TCP11: variants seen among roughly 807,000 people sequenced by gnomAD.
TCP11 encodes t-complex 11, also known as T-complex protein 11 homolog.
TCP11 carries 34 observed loss-of-function variants against 45.0 expected under a neutral mutation model. The observed-to-expected ratio is 0.76, with a 90% CI of 0.57 to 1.01. The LOEUF (loss-of-function observed/expected upper bound fraction) is 1.01. TCP11 is among the 50% of genes least tolerant of loss of function. TCP11 has a pLI of 0.00. For missense variants in TCP11, 523 were observed against 598.1 expected (o/e 0.87, Z 1.31); for synonymous variants, 227 against 227.0 (o/e 1.00, Z 0.00).
At chr6:35,131,938 C>G (rs1780501324) in intron 3 of TCP11, among the ~76,000 whole-genome samples, 1 of 152,174 alleles carries the variant, frequency 6.6e-6, no homozygotes, top group Admixed American at 6.5e-5. Context: ...AACTAGTCTC[C>G]CTGCCTCTAG....
chr6:35,119,544 G>C (rs1779002257), intron 8 of TCP11, among the ~76,000 whole-genome samples, 153 bp from the exon 9 acceptor site: 1 of 152,152 alleles, frequency 6.6e-6, no homozygotes, highest in Non-Finnish European at 1.5e-5. Context: ...CAGGCTATAG[G>C]GCCCAGTGGG....
At chr6:35,136,315 C>T (rs1781100585) in intron 2 of TCP11, 97 bp from the exon 3 acceptor site, 9 of 876,440 alleles carry the variant, frequency 1.0e-5, no homozygotes, top group Non-Finnish European at 1.4e-5. Flanking sequence ...ATTAATCAAA[C>T]TGGTCTTACA....
chr6:35,136,097 G>A lies in TCP11; in HGVS notation c.236+10C>T. On this transcript the variant is annotated intron_variant, in intron 3 of 9. Coordinates refer to ENST00000311875, the MANE Select transcript of TCP11 (RefSeq NM_001370687.1). ...GATGAGCAACATGAAGAAAGAAGAA[G>A]AGTCTATACCTGCTTGGAGGTAAAA... 1.2e-6 allele frequency: 2 copies of A among 1,605,878 alleles called. No individual in the cohort carries two copies. The highest frequency in any genetic ancestry group is 1.7e-6 in the Non-Finnish European group (2 of 1,174,188).
chr6:35,118,570 C>A, intron 9 of TCP11, 69 bp from the exon 10 acceptor site: 1 of 1,367,158 alleles, frequency 7.3e-7, no homozygotes, highest in Non-Finnish European at 1.0e-6. Flanking sequence ...TCCCCCTGCA[C>A]TCTACTCACC....
chr6:35,134,904 C>A (rs570167566), intron 3 of TCP11, among the ~76,000 whole-genome samples: 1 of 152,112 alleles, frequency 6.6e-6, no homozygotes, highest in South Asian at 2.1e-4. Flanking sequence ...GTAATGCCAG[C>A]ACTTTGGGAG....
chr6:35,134,746 T>C (rs11961798), intron 3 of TCP11, among the ~76,000 whole-genome samples: 27,356 of 152,156 alleles, frequency 0.18, 3,071 homozygotes, highest in African/African-American at 0.29. Context: ...TTGGTTGAAT[T>C]CACGGGATGC....
At chr6:35,140,962 C>A in intron 1 of TCP11, 78 bp from the exon 2 acceptor site, 1 of 335,328 alleles carries the variant, frequency 3.0e-6, no homozygotes, top group Non-Finnish European at 4.4e-6. Context: ...CTGGGGGCGG[C>A]GGGAAGGGGG....
In TCP11 at chr6:35,120,317, C is replaced by A. The variant is rs745370239; in HGVS notation, c.957G>T (p.Arg319=). Residue 319 remains arginine, a synonymous_variant, in exon 8 of 10, where the codon CGG becomes CGT. Transcript: ENST00000311875. The surrounding 1 kb of genome is among the most constrained non-coding windows in gnomAD (Gnocchi z 4.9). ...GCAACTGGGACTTCAGCTCCTGCAGCCGGGTTCTGTCCATCAGCAGGGTCT... is the reference window on the plus strand; with the variant it reads ...GCAACTGGGACTTCAGCTCCTGCAGACGGGTTCTGTCCATCAGCAGGGTCT... ...FPETLLMDRT[R]LQELKSQLHQ... is the part of the protein sequence containing the mutation. The A allele has an allele frequency of 6.2e-7, 1 of 1,613,948 alleles. No homozygotes were observed. The highest frequency in any genetic ancestry group is 8.5e-7 in the Non-Finnish European group (1 of 1,179,938).
intron 1 of TCP11, 104 bp from the exon 2 acceptor site, chr6:35,140,988 T>C: frequency 1.5e-6 from 2 of 1,372,286 alleles, no homozygotes; most frequent in Non-Finnish European, 9.6e-7. Flanking sequence ...GGCCTCAGGG[T>C]CTTGGGGGTG....
At chr6:35,125,196 AAAAG>A (rs1187971254) in intron 4 of TCP11, among the ~76,000 whole-genome samples, 3 of 151,382 alleles carry the variant, frequency 2.0e-5, no homozygotes, top group Admixed American at 6.6e-5. Flanking sequence ...AAAAAAAAAA[AAAAG>A]AAAGAAAAAA....
At chr6:35,127,546 C>G (rs910353354) in intron 4 of TCP11, among the ~76,000 whole-genome samples, 1 of 152,186 alleles carries the variant, frequency 6.6e-6, no homozygotes, top group African/African-American at 2.4e-5. Flanking sequence ...GTTATGGAAA[C>G]AAGGACTATA....
At chr6:35,119,422 C>T in intron 8 of TCP11, 31 bp from the exon 9 acceptor site, 1 of 1,609,098 alleles carries the variant, frequency 6.2e-7, no homozygotes. Flanking sequence ...AGCTGGCACC[C>T]ACCAGGTAAC....
chr6:35,125,279 T>A (rs1471850032), intron 4 of TCP11, among the ~76,000 whole-genome samples: 1 of 151,862 alleles, frequency 6.6e-6, no homozygotes, highest in Non-Finnish European at 1.5e-5. Flanking sequence ...GTGTAAATAT[T>A]CATGATCTAG....
At position 35,140,776 on chromosome 6, in the gene TCP11, T is replaced by G. The variant is rs35693439; in HGVS notation, c.95A>C (p.Asp32Ala). Residue 32 changes from aspartate to alanine, a missense_variant, in exon 2 of 10, where the codon GAC (aspartate) becomes GCC (alanine). Physicochemically the swap from Asp to Ala is moderately radical, Grantham distance 126 (BLOSUM62 -2). This residue lies in a region of TCP11 where 225 missense variants were observed against 210.2 expected (regional missense o/e 1.07). Coordinates refer to ENST00000311875, the MANE Select transcript of TCP11 (RefSeq NM_001370687.1). Reference sequence around the variant, plus strand: ...AGGGGGGTCCTCGGAGCCGCTCTTGTCTTCCTGGGGGGGTCCTGAGGTTTC... The same window carrying G: ...AGGGGGGTCCTCGGAGCCGCTCTTGGCTTCCTGGGGGGGTCCTGAGGTTTC... ...KPETSGPPQE[D>A]KSGSEDPPPF... The G allele has an allele frequency of 0.15, 234,769 of 1,528,760 alleles. 20,045 individuals are homozygous for G. Among genetic ancestry groups the G allele is most frequent in the African/African-American group, 0.3 (21,185 of 71,810 alleles). The allele number at this position is 1,528,760 out of a possible 1,614,324, so 94.7% of individuals were successfully genotyped here. A position where few individuals can be genotyped will look rare whatever the true frequency, so the allele number is the denominator to read the frequency against.
At chr6:35,140,611 C>T (rs1414784064) in intron 2 of TCP11, 136 bp downstream of exon 2, 1 of 697,082 alleles carries the variant, frequency 1.4e-6, no homozygotes, top group Admixed American at 2.0e-5. Context: ...TAAGTAAAGG[C>T]GGGTGGGGGA....
chr6:35,122,093 TG>T (rs754523467), intron 5 of TCP11, 23 bp downstream of exon 5: 1 of 1,612,322 alleles, frequency 6.2e-7, no homozygotes, highest in East Asian at 2.2e-5. Context: ...AGCAGGTTTT[TG>T]GGGGCAGTAT....
intron 3 of TCP11, among the ~76,000 whole-genome samples, chr6:35,135,755 C>T (rs1781008281): frequency 6.6e-6 from 1 of 151,844 alleles, no homozygotes; most frequent in Admixed American, 6.6e-5. Context: ...ACAACCAAAA[C>T]GGAAAAATGA....
rs1379491479 is a variant in TCP11, at chr6:35,140,928, C to A, written c.-14-44G>T. 4 of 1,514,896 alleles carry A rather than the reference C, an allele frequency of 2.6e-6. No individual in the cohort carries two copies. In the East Asian group the frequency reaches 9.7e-5, roughly 37 times the overall value. 93.8% of individuals were successfully genotyped at this position (1,514,896 alleles called of 1,614,324 possible). On this transcript the variant is annotated intron_variant, in intron 1 of 9. Transcript: ENST00000311875. ...CGTGTTGTTGGCGTCGGGGAAGGGG[C>A]CTCCCCAATTGCCAAGGGGGTCCCT...
In TCP11 at chr6:35,138,844, T is replaced by C. The variant is rs539458647; in HGVS notation, c.124+1903A>G. Among the ~76,000 whole-genome samples the C allele has an allele frequency of 3.3e-5, 5 of 152,304 alleles. No homozygotes were observed. The South Asian group carries it at 8.3e-4, about 25-fold the overall frequency. ...TATGCCTGTATCAAAATATCCCATATACCTGATAAATATACACACCTACTA... is the reference window on the plus strand; with the variant it reads ...TATGCCTGTATCAAAATATCCCATACACCTGATAAATATACACACCTACTA... On this transcript the variant is annotated intron_variant, in intron 2 of 9. Coordinates refer to ENST00000311875, the MANE Select transcript of TCP11 (RefSeq NM_001370687.1).
Sources: gnomAD v4.1 joint callset for allele counts (sites outside exome capture counted in the v4.1 genomes callset) on GRCh38, gnomAD v4.1.1 for gene constraint, gnomAD v4.1.1 regional missense constraint, Gnocchi (gnomAD v3.1) non-coding constraint, MANE v1.5 for transcripts, NCBI Gene and HGNC (gene_info 2026-07-23, HGNC 2026-07-21) for gene names.